TECTA: variants seen among roughly 807,000 people sequenced by gnomAD.
TECTA encodes the protein alpha-tectorin.
Under a neutral mutation model 216.8 loss-of-function variants are expected in TECTA, and 128 were observed. The observed-to-expected ratio is 0.59, with a 90% CI of 0.51 to 0.68. The LOEUF (loss-of-function observed/expected upper bound fraction) is 0.68. TECTA is among the 30% of genes least tolerant of loss of function. The pLI, the probability that TECTA is intolerant of heterozygous loss-of-function variation, is 0.00. For synonymous variants in TECTA, 1,089 were observed against 1,117.1 expected (o/e 0.97, Z 0.50); for missense variants, 2,551 against 2,786.2 (o/e 0.92, Z 1.90).
chr11:121,166,559 G>A lies in TECTA; in HGVS notation c.5384-19G>A, dbSNP rs7111480. 2.5e-3 allele frequency: 4,102 copies of A among 1,613,856 alleles called. 39 individuals are homozygous for A. In the Middle Eastern group the frequency reaches 0.05, roughly 20 times the overall value. ...GACCGACTCCACTGATTTGCCTTTC[G>A]TAATAACTGTTCCCACAGACTCACA... On this transcript the variant is annotated intron_variant, in intron 17 of 23. Transcript: ENST00000392793.
chr11:121,190,631 T>G, intron 23 of TECTA, 75 bp from the exon 24 acceptor site: 1 of 1,166,720 alleles, frequency 8.6e-7, no homozygotes. Flanking sequence ...AGCTGAGTGC[T>G]GCAAAGATGT....
intron 11 of TECTA, among the ~76,000 whole-genome samples, chr11:121,143,479 G>A (rs1386939989): frequency 1.3e-5 from 2 of 152,160 alleles, no homozygotes; most frequent in South Asian, 2.1e-4. Flanking sequence ...CTGATCTTGT[G>A]CCCAGGCTGA....
chr11:121,125,393 A>G lies in TECTA; in HGVS notation c.1295A>G (p.Asp432Gly). 1 of 1,614,190 alleles carries G rather than the reference A, an allele frequency of 6.2e-7. No individual in the cohort carries two copies. Among genetic ancestry groups the G allele is most frequent in the Non-Finnish European group, 8.5e-7 (1 of 1,180,046 alleles). ...GGCATATCTACTGCCGTGGAAACAGATTTTGGGCTCTTAGTGACTTTTGAT... is the reference window on the plus strand; with the variant it reads ...GGCATATCTACTGCCGTGGAAACAGGTTTTGGGCTCTTAGTGACTTTTGAT... ...QSGISTAVETDFGLLVTFDGQ... is the reference protein window; with the variant it reads ...QSGISTAVETGFGLLVTFDGQ... The change falls in exon 8 of 24, where the codon GAT (aspartate) becomes GGT (glycine). Residue 432 changes from aspartate (D) to glycine (G), a missense_variant. Physicochemically the swap from Asp to Gly is moderately conservative, Grantham distance 94. This residue lies in a region of TECTA where 2,375 missense variants were observed against 2,563.9 expected (regional missense o/e 0.93). Transcript: ENST00000392793.
intron 8 of TECTA, among the ~76,000 whole-genome samples, chr11:121,126,646 A>G (rs929671968): frequency 6.6e-5 from 10 of 152,182 alleles, no homozygotes; most frequent in African/African-American, 2.4e-4. Context: ...AGTGCTAGGG[A>G]GGTGAGAAGA....
intron 14 of TECTA, among the ~76,000 whole-genome samples, chr11:121,159,088 T>C (rs758907234): frequency 6.6e-5 from 10 of 152,342 alleles, no homozygotes; most frequent in Non-Finnish European, 1.2e-4. Context: ...TTATTGTGTG[T>C]ATCTGTTTTC....
chr11:121,104,517 C>G (rs1946373956), intron 2 of TECTA, among the ~76,000 whole-genome samples: 2 of 152,106 alleles, frequency 1.3e-5, no homozygotes, highest in Non-Finnish European at 2.9e-5. Flanking sequence ...AATTAGCCCT[C>G]CGTTGAGGCA....
In TECTA at chr11:121,166,664, G is replaced by C; in HGVS notation, c.5470G>C (p.Gly1824Arg). 2 of 1,614,192 alleles carry C rather than the reference G, an allele frequency of 1.2e-6. No homozygotes were observed. The highest frequency in any genetic ancestry group is 2.2e-5 in the East Asian group (1 of 44,882). The change falls in exon 18 of 24, where the codon GGT becomes CGT. Residue 1824 changes from glycine (G) to arginine (R), a missense_variant. Coordinates refer to ENST00000392793, the MANE Select transcript of TECTA (RefSeq NM_005422.4). ...SISKCKLFQLGFEREGVRIND... is the reference protein window; with the variant it reads ...SISKCKLFQLRFEREGVRIND... ...ATCTAAGTGCAAGCTCTTCCAGCTC[G>C]GTTTTGAGAGGGAGGGCGTGAGGAT...
chr11:121,147,405 G>A (rs1565529911), intron 12 of TECTA, among the ~76,000 whole-genome samples: 2 of 152,160 alleles, frequency 1.3e-5, no homozygotes, highest in Admixed American at 1.3e-4. Flanking sequence ...AAGGGTGGGA[G>A]GAAGATGAAG....
intron 18 of TECTA, among the ~76,000 whole-genome samples, chr11:121,167,105 C>T (rs567947749): frequency 1.3e-5 from 2 of 152,122 alleles, no homozygotes; most frequent in Non-Finnish European, 2.9e-5. Flanking sequence ...TTAGCTATTT[C>T]AGGGGGTAAG....
rs1418540563 is a variant in TECTA at position 121,113,466 on chromosome 11, G to A, written c.625-87G>A. ...AAAGACGGCTCTTGATTTTAGAGGT[G>A]CTGGATTTTAAAAATAAGGTAGTTG... On this transcript the variant is annotated intron_variant, in intron 5 of 23. Coordinates refer to ENST00000392793, the MANE Select transcript of TECTA (RefSeq NM_005422.4). The surrounding 1 kb of genome is among the most constrained non-coding windows in gnomAD (Gnocchi z 4.2). 8 of 1,574,110 alleles carry A rather than the reference G, an allele frequency of 5.1e-6. No individual in the cohort carries two copies. The East Asian group carries it at 1.6e-4, about 31-fold the overall frequency.
chr11:121,103,052 C>T (rs1034989523), intron 2 of TECTA, among the ~76,000 whole-genome samples: 4 of 152,166 alleles, frequency 2.6e-5, no homozygotes, highest in African/African-American at 9.7e-5. Flanking sequence ...CACTTCATGT[C>T]TGATCACTGA....
Position 121,160,173 on chromosome 11 carries a change from T to G in TECTA, c.4728T>G (p.Gly1576=), listed in dbSNP as rs1946983564. The change falls in exon 15 of 24, where the codon GGT becomes GGG. Residue 1576 remains glycine (G), a synonymous_variant. Coordinates refer to ENST00000392793, the MANE Select transcript of TECTA (RefSeq NM_005422.4). ...AAGTGAATGTTCCATTTATAACTGG[T>G]TTGGCAACCAAAATCTACAGCAGTG... The part of the protein sequence containing the change: ...GTQVNVPFIT[G]LATKIYSSEG... 6.2e-7 allele frequency: 1 copy of G among 1,614,224 alleles called. No individual in the cohort carries two copies. The highest frequency in any genetic ancestry group is 8.5e-7 in the Non-Finnish European group (1 of 1,180,044).
At chr11:121,189,285 G>T in intron 22 of TECTA, 118 bp downstream of exon 22, 1 of 954,046 alleles carries the variant, frequency 1.0e-6, no homozygotes, top group Non-Finnish European at 1.7e-6. Flanking sequence ...TGGGGACACC[G>T]GTTTGAGAAC....
At chr11:121,151,071 G>T (rs1358365680) in intron 12 of TECTA, among the ~76,000 whole-genome samples, 2 of 152,128 alleles carry the variant, frequency 1.3e-5, no homozygotes, top group African/African-American at 4.8e-5. Flanking sequence ...AAACAAATGA[G>T]AACAAGAGGA....
At chr11:121,132,967 C>T (rs186330421) in intron 10 of TECTA, among the ~76,000 whole-genome samples, 201 of 152,234 alleles carry the variant, frequency 1.3e-3, no homozygotes, top group Admixed American at 3.5e-3. Flanking sequence ...CTCCTGACCT[C>T]GTGATCCACC....
rs114806889 is a variant in TECTA, at chr11:121,188,146, C to T, written c.6162+152C>T. 1.3e-3 allele frequency: 1,016 copies of T among 767,868 alleles called. 8 individuals carry two copies. In the African/African-American group the frequency reaches 0.015, roughly 11 times the overall value. The allele number at this position is 767,868 out of a possible 1,614,324, so 47.6% of individuals were successfully genotyped here. A position where few individuals can be genotyped will look rare whatever the true frequency, so the allele number is the denominator to read the frequency against. On this transcript the variant is annotated intron_variant, in intron 21 of 23. Coordinates refer to ENST00000392793, the MANE Select transcript of TECTA (RefSeq NM_005422.4). ...TCTTTGATGGGACAGTGAGAGAAAA[C>T]GCAGGGAAATATATCTATTTACTCT...
intron 11 of TECTA, among the ~76,000 whole-genome samples, chr11:121,140,001 C>T (rs747718171): frequency 5.9e-5 from 9 of 152,204 alleles, no homozygotes; most frequent in Admixed American, 4.6e-4. Context: ...GATATATTTC[C>T]ACCCTTAGAT....
chr11:121,187,623 T>C (rs186002953), intron 20 of TECTA, among the ~76,000 whole-genome samples: 1 of 152,206 alleles, frequency 6.6e-6, no homozygotes, highest in Non-Finnish European at 1.5e-5. Context: ...TTCAAGGTGG[T>C]GTTTGATGTT....
rs778680683 is a variant in TECTA at position 121,166,608 on chromosome 11, C to T, written c.5414C>T (p.Thr1805Ile). Residue 1805 changes from threonine to isoleucine, a missense_variant, in exon 18 of 24, where the codon ACC becomes ATC. Thr to Ile is a moderately conservative substitution (Grantham distance 89). Coordinates refer to ENST00000392793, the MANE Select transcript of TECTA (RefSeq NM_005422.4). ...CATGACATTATCGATGCAGAGGTGA[C>T]CTGCAAAGCAGCCCAAATGGAAGTG... The part of the protein sequence containing the change: ...NSHDIIDAEV[T>I]CKAAQMEVSI... 5 of 1,614,046 alleles carry T rather than the reference C, an allele frequency of 3.1e-6. No individual in the cohort carries two copies. The highest frequency in any genetic ancestry group is 1.7e-5 in the Admixed American group (1 of 60,004).
Sources: gnomAD v4.1 joint callset for allele counts (sites outside exome capture counted in the v4.1 genomes callset) on GRCh38, gnomAD v4.1.1 for gene constraint, gnomAD v4.1.1 regional missense constraint, Gnocchi (gnomAD v3.1) non-coding constraint, MANE v1.5 for transcripts, NCBI Gene and HGNC (gene_info 2026-07-23, HGNC 2026-07-21) for gene names.